Variants in GPR19 observed in about 807,000 individuals in gnomAD.
GPR19 encodes probable G protein-coupled receptor 19.
GPR19 carries 14 observed loss-of-function variants against 28.5 expected under a neutral mutation model. That is an observed-to-expected ratio of 0.49 (90% CI 0.32 to 0.77). The LOEUF (loss-of-function observed/expected upper bound fraction) is 0.77. Among genes scored for constraint, GPR19 ranks in the 30% least tolerant of loss-of-function variants. The pLI, the probability that GPR19 is intolerant of heterozygous loss-of-function variation, is 0.03. For missense variants in GPR19, 409 were observed against 504.1 expected, an observed-to-expected ratio of 0.81 and a Z score of 1.81; for synonymous variants, 173 against 184.1, an observed-to-expected ratio of 0.94 and a Z score of 0.49.
chr12:12,692,386 T>C (rs1946194781), intron 2 of GPR19, among the ~76,000 whole-genome samples: 1 of 21,176 alleles, frequency 4.7e-5, no homozygotes, highest in Admixed American at 9.2e-4. Flanking sequence ...TGGCTTCTCT[T>C]GTCTTTTTTT....
chr12:12,716,857 C>G, the GPR19 span: 1 of 984,510 alleles, frequency 1.0e-6, no homozygotes, highest in Non-Finnish European at 1.2e-6. Flanking sequence ...CCCAGCCCCC[C>G]CAGCAAACGC....
chr12:12,717,156 T>C, the GPR19 span: 1 of 1,033,586 alleles, frequency 9.7e-7, no homozygotes, highest in Non-Finnish European at 1.2e-6. Flanking sequence ...AGAGCAGGTT[T>C]GTTGGCAGCA....
intron 3 of GPR19, among the ~76,000 whole-genome samples, chr12:12,680,325 A>G (rs976547950): frequency 1.3e-5 from 2 of 152,234 alleles, no homozygotes; most frequent in Non-Finnish European, 2.9e-5. Context: ...CTCAGCTAAA[A>G]TTGGGGCTAA....
intron 3 of GPR19, among the ~76,000 whole-genome samples, chr12:12,674,262 C>G (rs1449812853): frequency 2.3e-5 from 3 of 128,480 alleles, no homozygotes; most frequent in African/African-American, 8.6e-5. Context: ...CATAGTCAGA[C>G]CCTATCTCTA....
At chr12:12,668,932 C>T (rs1176590007) in intron 3 of GPR19, 1 of 152,204 alleles carries the variant, frequency 6.6e-6, no homozygotes, top group Non-Finnish European at 1.5e-5. Flanking sequence ...TCCCCAAAGT[C>T]ATACCGTTGG....
At chr12:12,700,137 CTCT>C (rs1405204104), upstream of GPR19, among the ~76,000 whole-genome samples, 1 of 131,298 alleles carries the variant, frequency 7.6e-6, no homozygotes, top group East Asian at 2.4e-4. Flanking sequence ...TGAGGCCTCT[CTCT>C]TCTTTTTTCT....
At chr12:12,667,943 T>C (rs1044787695) in intron 3 of GPR19, among the ~76,000 whole-genome samples, 1 of 152,148 alleles carries the variant, frequency 6.6e-6, no homozygotes, top group Non-Finnish European at 1.5e-5. Flanking sequence ...GTAAAAATTA[T>C]CCAATACTTG....
intron 3 of GPR19, among the ~76,000 whole-genome samples, chr12:12,679,067 G>A (rs144772344): frequency 1.3e-5 from 2 of 152,208 alleles, no homozygotes; most frequent in East Asian, 1.9e-4. Context: ...AAAGTACTGG[G>A]ATTATAGACA....
At position 12,661,442 on chromosome 12, in the gene GPR19, T is replaced by C. The variant is rs1253136796; in HGVS notation, c.1007A>G (p.Asn336Ser). The change falls in exon 4 of 4, where the codon AAT becomes AGT. Residue 336 changes from asparagine (N) to serine (S), a missense_variant. Asn to Ser is a conservative substitution (Grantham distance 46, BLOSUM62 1). Coordinates refer to ENST00000651487, the MANE Select transcript of GPR19 (RefSeq NM_006143.3). This position sits in a 1 kb window ranked among gnomAD's most constrained non-coding sequence, Gnocchi z 4.2. ...AGTCTCTTTCATCCCTCTCCGAAAATTGGCATTATAAATTGAATACAGAGT... is the reference window on the plus strand; with the variant it reads ...AGTCTCTTTCATCCCTCTCCGAAAACTGGCATTATAAATTGAATACAGAGT... Reference protein sequence around the residue: ...KPTLYSIYNANFRRGMKETFC... With the variant: ...KPTLYSIYNASFRRGMKETFC... The C allele has an allele frequency of 2.5e-6, 4 of 1,613,542 alleles. No individual in the cohort carries two copies. The highest frequency in any genetic ancestry group is 3.4e-6 in the Non-Finnish European group (4 of 1,179,492).
intron 3 of GPR19, among the ~76,000 whole-genome samples, chr12:12,676,033 T>C (rs1945925525): frequency 6.6e-6 from 1 of 152,218 alleles, no homozygotes; most frequent in African/African-American, 2.4e-5. Context: ...CTTATATAAT[T>C]TAATTTGAGT....
At chr12:12,711,432 A>G in the GPR19 span, among the ~76,000 whole-genome samples, 1 of 152,148 alleles carries the variant, frequency 6.6e-6, no homozygotes, top group African/African-American at 2.4e-5. Context: ...CCAGCCCATG[A>G]GAAAGGGGAA....
the GPR19 span, among the ~76,000 whole-genome samples, chr12:12,702,417 A>C: frequency 1.8e-4 from 27 of 152,200 alleles, no homozygotes; most frequent in Non-Finnish European, 3.5e-4. Flanking sequence ...TACTCTGTAA[A>C]ATAGTGTTAC....
intron 3 of GPR19, among the ~76,000 whole-genome samples, chr12:12,672,328 A>G (rs964861153): frequency 2.6e-5 from 4 of 152,222 alleles, no homozygotes; most frequent in Non-Finnish European, 5.9e-5. Context: ...ACTGCTGCTT[A>G]GTAGCTTAGT....
chr12:12,697,959 A>C (rs917979258), upstream of GPR19, among the ~76,000 whole-genome samples: 2 of 152,242 alleles, frequency 1.3e-5, no homozygotes, highest in African/African-American at 4.8e-5. Flanking sequence ...TGAAGAAAAA[A>C]AAAATGCAGA....
chr12:12,694,544 G>A (rs1204712796), intron 2 of GPR19, among the ~76,000 whole-genome samples: 1 of 152,016 alleles, frequency 6.6e-6, no homozygotes, highest in East Asian at 1.9e-4. Context: ...AAATACAGAC[G>A]GACCTACGAT....
At chr12:12,664,646 C>T (rs1446936381) in intron 3 of GPR19, among the ~76,000 whole-genome samples, 2 of 151,958 alleles carry the variant, frequency 1.3e-5, no homozygotes, top group Non-Finnish European at 2.9e-5. Flanking sequence ...CAGGGCCAGG[C>T]GCGGTGGCTC....
chr12:12,665,299 C>T (rs1945753254), intron 3 of GPR19, among the ~76,000 whole-genome samples: 1 of 152,280 alleles, frequency 6.6e-6, no homozygotes. Context: ...TTAACTAAAG[C>T]CCGGAGGCGG....
intron 2 of GPR19, among the ~76,000 whole-genome samples, chr12:12,694,594 C>G (rs1946236147): frequency 6.6e-6 from 1 of 152,116 alleles, no homozygotes; most frequent in Admixed American, 6.5e-5. Context: ...GTGGCATGTA[C>G]TTTACACTAA....
Position 12,677,469 on chromosome 12 carries a change from G to A in GPR19, c.-23+6882C>T, listed in dbSNP as rs533176867. Among the ~76,000 whole-genome samples the A allele has an allele frequency of 2.1e-3, 316 of 151,968 alleles. 1 individual carries two copies. The highest frequency in any genetic ancestry group is 6.1e-3 in the African/African-American group (253 of 41,496). On this transcript the variant is annotated intron_variant, in intron 3 of 3. Coordinates refer to ENST00000651487, the MANE Select transcript of GPR19 (RefSeq NM_006143.3). ...ATTATTTGAGAATTTTCAATTCTGC[G>A]TTACACCATGTTGGCCAGGTTGGTC...
Sources: gnomAD v4.1 joint callset for allele counts (sites outside exome capture counted in the v4.1 genomes callset) on GRCh38, gnomAD v4.1.1 for gene constraint, Gnocchi (gnomAD v3.1) non-coding constraint, MANE v1.5 for transcripts, NCBI Gene and HGNC (gene_info 2026-07-23, HGNC 2026-07-21) for gene names.